The following TSPAN11 variants were observed in gnomAD, a reference collection of about 807,000 sequenced individuals.
The protein encoded by TSPAN11 is tetraspanin-11.
A neutral mutation model predicts 32.9 loss-of-function variants in TSPAN11; 29 were observed. The ratio of observed to expected loss-of-function variants is 0.88; its 90% CI spans 0.66 to 1.20. The LOEUF is 1.20. TSPAN11 is among the 50% of genes most tolerant of loss of function. The pLI is 0.00. For synonymous variants in TSPAN11, 140 were observed against 141.3 expected (o/e 0.99, Z 0.07); for missense variants, 283 against 329.1 (o/e 0.86, Z 1.08).
At chr12:31,016,474 A>AAGGAG in the TSPAN11 span, among the ~76,000 whole-genome samples, 2 of 151,716 alleles carry the variant, frequency 1.3e-5, no homozygotes, top group Non-Finnish European at 2.9e-5. Context: ...AAGGAAAGGA[A>AAGGAG]AGGAGAGGAG....
chr12:31,011,413 T>C, the TSPAN11 span, among the ~76,000 whole-genome samples: 1 of 152,174 alleles, frequency 6.6e-6, no homozygotes, highest in African/African-American at 2.4e-5. Context: ...CCTGAAGGAA[T>C]TAGTATCCAA....
chr12:30,966,902 C>T (rs533046611), intron 3 of TSPAN11, among the ~76,000 whole-genome samples: 2 of 152,356 alleles, frequency 1.3e-5, no homozygotes, highest in South Asian at 4.1e-4. Flanking sequence ...ACACCTGGGT[C>T]AGAGTATATT....
chr12:31,013,097 C>A, the TSPAN11 span, among the ~76,000 whole-genome samples: 1 of 152,218 alleles, frequency 6.6e-6, no homozygotes. Context: ...CTGATCCTCT[C>A]TTCTGTGCAG....
At chr12:30,958,000 A>G (rs1242791697) in intron 2 of TSPAN11, among the ~76,000 whole-genome samples, 1 of 151,992 alleles carries the variant, frequency 6.6e-6, no homozygotes, top group Non-Finnish European at 1.5e-5. Flanking sequence ...ATAGAGTATG[A>G]GTGTAACTAT....
chr12:30,938,006 G>A (rs1031892480), intron 1 of TSPAN11, among the ~76,000 whole-genome samples: 2 of 152,176 alleles, frequency 1.3e-5, no homozygotes, highest in African/African-American at 4.8e-5. Context: ...CCATTGTCAA[G>A]AATACTATAT....
the TSPAN11 span, among the ~76,000 whole-genome samples, chr12:31,005,004 G>A: frequency 6.6e-6 from 1 of 152,220 alleles, no homozygotes; most frequent in African/African-American, 2.4e-5. Context: ...GGACTGGCAG[G>A]ACCCCTGTGT....
chr12:30,961,836 GCAT>G (rs1197622817), intron 2 of TSPAN11, among the ~76,000 whole-genome samples: 8 of 152,034 alleles, frequency 5.3e-5, no homozygotes, highest in African/African-American at 1.9e-4. Context: ...AGCCTTCCAG[GCAT>G]GCTGAAGGGG....
At chr12:30,941,988 G>A (rs1389822258) in intron 1 of TSPAN11, among the ~76,000 whole-genome samples, 2 of 152,216 alleles carry the variant, frequency 1.3e-5, no homozygotes, top group African/African-American at 4.8e-5. Context: ...GTTTTCTCCA[G>A]GTAGATTTTT....
At chr12:31,010,823 C>T in the TSPAN11 span, among the ~76,000 whole-genome samples, 1 of 151,864 alleles carries the variant, frequency 6.6e-6, no homozygotes, top group Non-Finnish European at 1.5e-5. Flanking sequence ...CAAAGTAGAT[C>T]CCAACAGGCC....
chr12:30,931,106 C>T (rs1209595443), intron 1 of TSPAN11, among the ~76,000 whole-genome samples: 1 of 152,120 alleles, frequency 6.6e-6, no homozygotes, highest in Non-Finnish European at 1.5e-5. Flanking sequence ...ATAAACCCCC[C>T]AGTGGTTCTC....
intron 1 of TSPAN11, among the ~76,000 whole-genome samples, chr12:30,941,118 CTG>C (rs1343818865): frequency 6.6e-6 from 1 of 152,234 alleles, no homozygotes; most frequent in African/African-American, 2.4e-5. Flanking sequence ...TGTGTTTAAA[CTG>C]TGTATGTCCA....
Position 30,954,082 on chromosome 12 carries a change from G to A in TSPAN11, c.84+7G>A. The A allele has an allele frequency of 2.5e-6, 4 of 1,604,540 alleles. No individual in the cohort carries two copies. The highest frequency in any genetic ancestry group is 8.5e-7 in the Non-Finnish European group (1 of 1,171,860). On this transcript the variant is annotated splice_region_variant and intron_variant, in intron 2 of 7. Transcript: ENST00000546076. ...CTTCAACTTCTTCTTCTGGGTGAGTGAATTCTGCACACACATCCTCTTCCC... is the reference window on the plus strand; with the variant it reads ...CTTCAACTTCTTCTTCTGGGTGAGTAAATTCTGCACACACATCCTCTTCCC...
At chr12:30,990,019 C>G (rs1939279447) in intron 7 of TSPAN11, among the ~76,000 whole-genome samples, 1 of 152,214 alleles carries the variant, frequency 6.6e-6, no homozygotes. Flanking sequence ...CTGTTGGCTG[C>G]TGGAGCCATC....
chr12:30,972,411 AACTTCTG>A (rs1490006521), intron 3 of TSPAN11, among the ~76,000 whole-genome samples: 1 of 152,212 alleles, frequency 6.6e-6, no homozygotes, highest in Non-Finnish European at 1.5e-5. Flanking sequence ...ATGGCTCAGA[AACTTCTG>A]GCTCAGGGAG....
At chr12:30,980,787 C>T (rs1565802734) in intron 5 of TSPAN11, among the ~76,000 whole-genome samples, 1 of 152,176 alleles carries the variant, frequency 6.6e-6, no homozygotes, top group African/African-American at 2.4e-5. Context: ...CAGACACACT[C>T]GCACCCCATG....
chr12:30,930,073 A>G (rs142098181), intron 1 of TSPAN11, among the ~76,000 whole-genome samples: 74 of 152,300 alleles, frequency 4.9e-4, no homozygotes, highest in Middle Eastern at 3.4e-3. Context: ...CCCTCTGTTC[A>G]TTCCATTGAT....
chr12:30,929,915 A>T (rs1937883322), intron 1 of TSPAN11, among the ~76,000 whole-genome samples: 1 of 152,300 alleles, frequency 6.6e-6, no homozygotes, highest in East Asian at 1.9e-4. Flanking sequence ...CTCAGAATCT[A>T]GATTTACCAC....
intron 7 of TSPAN11, among the ~76,000 whole-genome samples, chr12:30,985,901 C>T (rs1236314371): frequency 5.3e-5 from 8 of 152,280 alleles, no homozygotes; most frequent in African/African-American, 1.9e-4. Context: ...TCTGTTCCTT[C>T]GCCGTTGCTA....
At chr12:31,002,920 C>T in the TSPAN11 span, among the ~76,000 whole-genome samples, 1 of 152,176 alleles carries the variant, frequency 6.6e-6, no homozygotes. This position sits in a 1 kb window ranked among gnomAD's most constrained non-coding sequence, Gnocchi z 4.8. Context: ...ACCGCTCCAG[C>T]TGCGGGCTGT....
Sources: gnomAD v4.1 joint callset for allele counts (sites outside exome capture counted in the v4.1 genomes callset) on GRCh38, gnomAD v4.1.1 for gene constraint, Gnocchi (gnomAD v3.1) non-coding constraint, MANE v1.5 for transcripts, NCBI Gene and HGNC (gene_info 2026-07-23, HGNC 2026-07-21) for gene names.